PROM1: variants seen among roughly 807,000 people sequenced by gnomAD.
The protein encoded by PROM1 is prominin-1.
In PROM1, 105 loss-of-function variants were observed where a neutral mutation model predicts 116.9. The ratio of observed to expected loss-of-function variants is 0.90; its 90% confidence interval spans 0.77 to 1.06. The LOEUF is 1.06. PROM1 is among the 50% of genes least tolerant of loss of function. The probability of loss-of-function intolerance (pLI) is 0.00; values close to 1 mark genes in which losing one functional copy is unlikely to be tolerated. For missense variants in PROM1, 1,122 were observed against 1,045.2 expected (o/e 1.07, Z -1.01); for synonymous variants, 393 against 387.0 (o/e 1.02, Z -0.18).
chr4:16,038,440 T>C (rs888652862), intron 3 of PROM1, among the ~76,000 whole-genome samples: 6 of 152,232 alleles, frequency 3.9e-5, no homozygotes, highest in African/African-American at 1.4e-4. Context: ...TCTCACTCTG[T>C]CACCCAGGCT....
intron 26 of PROM1, among the ~76,000 whole-genome samples, chr4:15,976,599 C>A (rs141690792): frequency 4.1e-4 from 63 of 152,346 alleles, no homozygotes; most frequent in Middle Eastern, 6.8e-3. Context: ...TGGGGATTAG[C>A]CAGAGTCCAG....
chr4:16,034,921 T>G (rs1733632057), intron 4 of PROM1, among the ~76,000 whole-genome samples: 1 of 152,218 alleles, frequency 6.6e-6, no homozygotes, highest in Non-Finnish European at 1.5e-5. Context: ...TGACTGAATG[T>G]GAAAACAACT....
chr4:16,003,549 A>G (rs1056137209), intron 13 of PROM1, among the ~76,000 whole-genome samples: 6 of 152,328 alleles, frequency 3.9e-5, no homozygotes, highest in Admixed American at 3.9e-4. Context: ...ATGGGCTTCA[A>G]ATCACGAGAT....
At chr4:15,974,873 C>T (rs538029612) in intron 26 of PROM1, among the ~76,000 whole-genome samples, 2 of 152,258 alleles carry the variant, frequency 1.3e-5, no homozygotes, top group South Asian at 2.1e-4. Flanking sequence ...AAACTGTTGG[C>T]GATAAACACT....
chr4:16,064,224 C>A (rs1300601269), intron 2 of PROM1, among the ~76,000 whole-genome samples: 1 of 152,048 alleles, frequency 6.6e-6, no homozygotes, highest in African/African-American at 2.4e-5. Context: ...CTCTCAAATG[C>A]CAATGCAGTA....
chr4:16,066,933 A>G (rs1741673419), intron 2 of PROM1, among the ~76,000 whole-genome samples: 1 of 152,218 alleles, frequency 6.6e-6, no homozygotes, highest in Admixed American at 6.5e-5. Flanking sequence ...GTAGGGCAAG[A>G]TAGGACCCTA....
At chr4:16,026,216 A>G (rs1731232554) in intron 5 of PROM1, among the ~76,000 whole-genome samples, 1 of 152,228 alleles carries the variant, frequency 6.6e-6, no homozygotes, top group South Asian at 2.1e-4. Context: ...GTCTAATGTA[A>G]TAATTTTTAA....
At chr4:16,007,138 T>G (rs975080461) in intron 12 of PROM1, among the ~76,000 whole-genome samples, 1 of 152,236 alleles carries the variant, frequency 6.6e-6, no homozygotes, top group African/African-American at 2.4e-5. Context: ...AAAGAAATAC[T>G]GGATTCTTTT....
intron 7 of PROM1, 97 bp from the exon 8 acceptor site, chr4:16,023,512 G>T: frequency 1.0e-6 from 1 of 975,186 alleles, no homozygotes; most frequent in Non-Finnish European, 1.5e-6. Flanking sequence ...CCCTCCTGCT[G>T]CAAAACCCAT....
intron 20 of PROM1, among the ~76,000 whole-genome samples, 172 bp from the exon 21 acceptor site, chr4:15,986,209 A>G (rs1448666620): frequency 6.6e-6 from 1 of 152,198 alleles, no homozygotes; most frequent in Admixed American, 6.5e-5. Flanking sequence ...GAAGGAGATG[A>G]GCTGAAAGTG....
chr4:16,073,903 C>G (rs1248800913), intron 2 of PROM1, among the ~76,000 whole-genome samples: 2 of 151,960 alleles, frequency 1.3e-5, no homozygotes, highest in Non-Finnish European at 2.9e-5. Flanking sequence ...TATGAGGAAA[C>G]CTTCCAATCA....
Position 16,023,405 on chromosome 4 carries a change from T to C in PROM1, c.705A>G (p.Ser235=). Residue 235 remains serine, a synonymous_variant, in exon 8 of 28, where the codon TCA becomes TCG. Transcript: ENST00000447510. ...GGTCAAGAATTCCGCCTCCTAGCAC[T>C]GAATTGATACCTACATGCAAATAAG... ...KAFTDLNSIN[S]VLGGGILDRL... 6.3e-7 allele frequency: 1 copy of C among 1,599,064 alleles called. No individual in the cohort carries two copies. Among genetic ancestry groups the C allele is most frequent in the Non-Finnish European group, 8.5e-7 (1 of 1,171,146 alleles).
At chr4:16,058,755 A>C (rs1739626305) in intron 2 of PROM1, among the ~76,000 whole-genome samples, 2 of 152,214 alleles carry the variant, frequency 1.3e-5, no homozygotes, top group African/African-American at 2.4e-5. Context: ...ATTAGGAAAT[A>C]AGCATAAAAA....
At chr4:16,038,696 C>T (rs930060665) in intron 3 of PROM1, among the ~76,000 whole-genome samples, 2 of 152,184 alleles carry the variant, frequency 1.3e-5, no homozygotes, top group African/African-American at 4.8e-5. Flanking sequence ...CCACCACACC[C>T]GGCCTTAGTT....
intron 10 of PROM1, among the ~76,000 whole-genome samples, chr4:16,015,036 G>A (rs1345599259): frequency 6.6e-6 from 1 of 151,740 alleles, no homozygotes; most frequent in East Asian, 1.9e-4. Context: ...AGAAGCCCAG[G>A]AAAGGTCTGT....
intron 2 of PROM1, among the ~76,000 whole-genome samples, chr4:16,064,032 C>A (rs1048563281): frequency 2.0e-5 from 3 of 152,110 alleles, no homozygotes; most frequent in African/African-American, 7.2e-5. Context: ...AAAAAATTTG[C>A]TTGGCATACG....
chr4:16,042,357 T>A (rs1663191850), intron 2 of PROM1, among the ~76,000 whole-genome samples: 1 of 152,168 alleles, frequency 6.6e-6, no homozygotes, highest in South Asian at 2.1e-4. Context: ...TGTGCAAAAC[T>A]CAGTGAACGA....
At chr4:16,005,417 G>A (rs1243378419) in intron 13 of PROM1, among the ~76,000 whole-genome samples, 1 of 151,816 alleles carries the variant, frequency 6.6e-6, no homozygotes, top group Non-Finnish European at 1.5e-5. Context: ...CCTAATTATT[G>A]TAGGGAAAGG....
intron 4 of PROM1, among the ~76,000 whole-genome samples, chr4:16,034,624 CTT>C (rs1560536523): frequency 6.6e-6 from 1 of 152,126 alleles, no homozygotes; most frequent in African/African-American, 2.4e-5. Flanking sequence ...GATGATGAAA[CTT>C]GATGTCATTC....
Sources: allele counts gnomAD v4.1 joint callset (sites outside exome capture counted in the v4.1 genomes callset), GRCh38; gene constraint gnomAD v4.1.1; transcripts MANE v1.5; gene names NCBI Gene and HGNC (gene_info 2026-07-23, HGNC 2026-07-21).